CELF1: variants seen among roughly 807,000 people sequenced by gnomAD.
The protein encoded by CELF1 is 50 kDa nuclear polyadenylated RNA-binding protein.
CELF1 carries 10 observed loss-of-function variants against 61.8 expected under a neutral mutation model. The observed-to-expected ratio is 0.16, with a 90% CI of 0.10 to 0.27. The LOEUF (loss-of-function observed/expected upper bound fraction) is 0.27. CELF1 is among the 10% of genes least tolerant of loss of function. The probability of loss-of-function intolerance (pLI) is 1.00; values close to 1 mark genes in which losing one functional copy is unlikely to be tolerated. For missense variants in CELF1, 380 were observed against 639.1 expected, an observed-to-expected ratio of 0.59 and a Z score of 4.37; for synonymous variants, 236 against 225.1, an observed-to-expected ratio of 1.05 and a Z score of -0.43.
chr11:47,477,612 C>A lies in CELF1; in HGVS notation c.845-187G>T, dbSNP rs1241944068. 7.3e-6 allele frequency: 4 copies of A among 545,480 alleles called. No homozygotes were observed. The Admixed American group carries it at 1.3e-4, about 17-fold the overall frequency. 33.8% of individuals were successfully genotyped at this position (545,480 alleles called of 1,614,324 possible). Reference sequence around the variant, plus strand: ...TATCACTCATTAAGAAACTTGAAATCATTTCCTCAGAGAAGAGATGGCTAA... The same window carrying A: ...TATCACTCATTAAGAAACTTGAAATAATTTCCTCAGAGAAGAGATGGCTAA... On this transcript the variant is annotated intron_variant, in intron 10 of 14. Transcript: ENST00000687097.
chr11:47,486,644 G>C, intron 6 of CELF1, 106 bp downstream of exon 6: 1 of 871,066 alleles, frequency 1.1e-6, no homozygotes, highest in Non-Finnish European at 1.9e-6. Context: ...CCGGCCTCAA[G>C]CAATCCATCT....
intron 4 of CELF1, among the ~76,000 whole-genome samples, 191 bp from the exon 5 acceptor site, chr11:47,487,432 T>G (rs899777458): frequency 6.6e-6 from 1 of 152,224 alleles, no homozygotes; most frequent in African/African-American, 2.4e-5. Context: ...CTATACACTT[T>G]ATTGTTTTAG....
At chr11:47,538,856 G>A (rs2096703757) in intron 1 of CELF1, among the ~76,000 whole-genome samples, 1 of 152,122 alleles carries the variant, frequency 6.6e-6, no homozygotes, top group African/African-American at 2.4e-5. Context: ...ATTTCTCAAA[G>A]AGAAAAACAC....
At chr11:47,478,336 G>A (rs941623731) in intron 10 of CELF1, among the ~76,000 whole-genome samples, 5 of 152,184 alleles carry the variant, frequency 3.3e-5, no homozygotes, top group Non-Finnish European at 5.9e-5. Flanking sequence ...ACCCCCAACC[G>A]ACTCCTGATG....
chr11:47,547,603 A>G (rs1429792980), intron 1 of CELF1, among the ~76,000 whole-genome samples: 1 of 146,568 alleles, frequency 6.8e-6, no homozygotes, highest in Non-Finnish European at 1.5e-5. Context: ...CGGGAGGCGG[A>G]GGTTACAGTG....
At chr11:47,473,545 T>A (rs1036753465) in intron 13 of CELF1, among the ~76,000 whole-genome samples, 4 of 152,054 alleles carry the variant, frequency 2.6e-5, no homozygotes, top group African/African-American at 9.7e-5. Flanking sequence ...GACTGTAGGC[T>A]CAGAGAGGAA....
Position 47,481,724 on chromosome 11 carries a change from C to T in CELF1, c.768+971G>A, listed in dbSNP as rs940867585. 7.2e-5 allele frequency among the ~76,000 whole-genome samples: 11 copies of T among 151,942 alleles called. No individual in the cohort carries two copies. The East Asian group carries it at 1.9e-3, about 27-fold the overall frequency. ...GCCCAATTCTTTTCCATTAATAATC[C>T]CCTGTAACATATACACTGCAGACCT... On this transcript the variant is annotated intron_variant, in intron 9 of 14. Coordinates refer to ENST00000687097, the MANE Select transcript of CELF1 (RefSeq NM_001376376.1).
intron 1 of CELF1, among the ~76,000 whole-genome samples, chr11:47,540,906 C>CAAA (rs2096757982): frequency 6.6e-6 from 1 of 150,700 alleles, no homozygotes. Context: ...ACAACAACAA[C>CAAA]AAAACAAAAA....
chr11:47,499,567 C>T lies in CELF1; in HGVS notation c.-44G>A. 6.9e-7 allele frequency: 1 copy of T among 1,454,792 alleles called. No individual in the cohort carries two copies. The highest frequency in any genetic ancestry group is 9.3e-7 in the Non-Finnish European group (1 of 1,073,168). 90.1% of individuals were successfully genotyped at this position (1,454,792 alleles called of 1,614,324 possible). A position where few individuals can be genotyped will look rare whatever the true frequency, so the allele number is the denominator to read the frequency against. On this transcript the variant is annotated 5_prime_UTR_variant, in exon 3 of 15. Transcript: ENST00000687097. The stretch of plus-strand genomic sequence containing the variant: ...AGAAGCCAATGATATTAACTTGCTG[C>T]ACTTGTCTGATCCACAAATACACAC...
At chr11:47,504,902 C>CAAAAAAAAAAAAAAAAAAAAAAAA (rs374401044) in intron 1 of CELF1, among the ~76,000 whole-genome samples, 2 of 107,932 alleles carry the variant, frequency 1.9e-5, no homozygotes, top group African/African-American at 3.6e-5. Flanking sequence ...ACTCTGTCAC[C>CAAAAAAAAAAAAAAAAAAAAAAAA]AAAAAAAAAA....
intron 9 of CELF1, among the ~76,000 whole-genome samples, chr11:47,479,321 C>T (rs1216502197): frequency 6.6e-6 from 1 of 152,210 alleles, no homozygotes; most frequent in African/African-American, 2.4e-5. Flanking sequence ...TTTCCAGCTA[C>T]CCTCTCCCAA....
intron 1 of CELF1, among the ~76,000 whole-genome samples, chr11:47,520,500 T>C (rs908973526): frequency 8.5e-5 from 13 of 152,166 alleles, no homozygotes; most frequent in Admixed American, 4.6e-4. Context: ...GGAAGATGTG[T>C]GGTGCAGGAA....
At chr11:47,519,281 C>A (rs1424758673) in intron 1 of CELF1, among the ~76,000 whole-genome samples, 1 of 152,012 alleles carries the variant, frequency 6.6e-6, no homozygotes, top group Non-Finnish European at 1.5e-5. Context: ...GAGTTCGAGA[C>A]CAGCCTGGCC....
chr11:47,564,184 A>AG (rs1246649617), intron 2 of CELF1, among the ~76,000 whole-genome samples: 1 of 149,420 alleles, frequency 6.7e-6, no homozygotes, highest in East Asian at 2.0e-4. Context: ...AAAAAAAAAA[A>AG]AAAAAAAAAA....
At chr11:47,525,114 G>C (rs1208286910) in intron 1 of CELF1, among the ~76,000 whole-genome samples, 2 of 152,134 alleles carry the variant, frequency 1.3e-5, no homozygotes, top group Non-Finnish European at 2.9e-5. Flanking sequence ...TTCTCCATTC[G>C]AGTGAACAAT....
chr11:47,564,248 G>A (rs558020963), intron 2 of CELF1: 27 of 151,972 alleles, frequency 1.8e-4, no homozygotes, highest in African/African-American at 6.0e-4. Flanking sequence ...GGGAGGCCAG[G>A]GGGATGGATC....
At chr11:47,540,712 C>T (rs1427273304) in intron 1 of CELF1, among the ~76,000 whole-genome samples, 2 of 152,136 alleles carry the variant, frequency 1.3e-5, no homozygotes, top group South Asian at 2.1e-4. Context: ...GGTGAAACCC[C>T]GTCTCTACTA....
chr11:47,548,788 C>G (rs2097054231), intron 1 of CELF1, among the ~76,000 whole-genome samples: 1 of 151,116 alleles, frequency 6.6e-6, no homozygotes, highest in African/African-American at 2.4e-5. Flanking sequence ...ATGGCTTGAA[C>G]CCAGTGGGCG....
intron 1 of CELF1, among the ~76,000 whole-genome samples, chr11:47,534,671 T>C (rs968600348): frequency 2.6e-5 from 4 of 152,078 alleles, no homozygotes; most frequent in African/African-American, 9.7e-5. Flanking sequence ...GAGCTTGCAG[T>C]ATGCAGAGAT....
Sources: gnomAD v4.1 joint callset for allele counts (sites outside exome capture counted in the v4.1 genomes callset) on GRCh38, gnomAD v4.1.1 for gene constraint, MANE v1.5 for transcripts, NCBI Gene and HGNC (gene_info 2026-07-23, HGNC 2026-07-21) for gene names.